Variants in NOL4 observed in about 807,000 individuals in gnomAD.
NOL4 encodes nucleolar protein 4.
NOL4 carries 17 observed loss-of-function variants against 75.9 expected under a neutral mutation model. That is an observed-to-expected ratio of 0.22 (90% CI 0.15 to 0.34). The LOEUF (loss-of-function observed/expected upper bound fraction) is 0.34. Among genes scored for constraint, NOL4 ranks in the 10% least tolerant of loss-of-function variants. The probability of loss-of-function intolerance (pLI) is 1.00; values close to 1 mark genes in which losing one functional copy is unlikely to be tolerated. For missense variants in NOL4, 614 were observed against 793.5 expected, an observed-to-expected ratio of 0.77 and a Z score of 2.72; for synonymous variants, 292 against 289.9, an observed-to-expected ratio of 1.01 and a Z score of -0.07.
At chr18:34,099,249 G>C (rs2078928169) in intron 4 of NOL4, among the ~76,000 whole-genome samples, 1 of 150,836 alleles carries the variant, frequency 6.6e-6, no homozygotes, top group South Asian at 2.1e-4. Flanking sequence ...TGTAATCCTA[G>C]CTACTCGGGA....
intron 1 of NOL4, among the ~76,000 whole-genome samples, chr18:34,163,896 T>C (rs1346269713): frequency 1.2e-4 from 18 of 152,182 alleles, no homozygotes; most frequent in Non-Finnish European, 2.2e-4. Context: ...AACAGAGATA[T>C]AGATCAATGG....
At chr18:33,904,575 C>T (rs543445648) in intron 9 of NOL4, among the ~76,000 whole-genome samples, 30 of 152,236 alleles carry the variant, frequency 2.0e-4, no homozygotes, top group African/African-American at 7.2e-4. Context: ...AAATCATAAA[C>T]AGGACATAAG....
intron 10 of NOL4, among the ~76,000 whole-genome samples, chr18:33,853,975 T>A (rs925035694): frequency 2.0e-5 from 3 of 152,174 alleles, no homozygotes; most frequent in Admixed American, 6.6e-5. Flanking sequence ...TGTTCACTTT[T>A]ATACTTCTTA....
chr18:34,119,346 A>C (rs973134115), intron 2 of NOL4, among the ~76,000 whole-genome samples: 5 of 152,178 alleles, frequency 3.3e-5, no homozygotes, highest in African/African-American at 1.2e-4. Flanking sequence ...AGATTTGCAC[A>C]ATCACCCCCA....
intron 5 of NOL4, among the ~76,000 whole-genome samples, chr18:34,047,007 G>C (rs938742741): frequency 2.0e-5 from 3 of 152,028 alleles, no homozygotes; most frequent in Admixed American, 2.0e-4. Context: ...ATTTTCTTAA[G>C]AGTACCAGGT....
chr18:34,017,570 G>A (rs1275620889), intron 6 of NOL4, among the ~76,000 whole-genome samples: 2 of 151,982 alleles, frequency 1.3e-5, no homozygotes, highest in African/African-American at 4.8e-5. Flanking sequence ...TCCTTCATAG[G>A]TGCTAAGTAT....
chr18:33,853,217 T>G (rs2062697090), intron 10 of NOL4, among the ~76,000 whole-genome samples, 182 bp from the exon 11 acceptor site: 1 of 152,092 alleles, frequency 6.6e-6, no homozygotes, highest in Non-Finnish European at 1.5e-5. Flanking sequence ...GGTAACCGAG[T>G]GGCTTCTCTT....
chr18:33,888,936 AT>A (rs1204505339), intron 9 of NOL4, among the ~76,000 whole-genome samples: 2 of 152,146 alleles, frequency 1.3e-5, no homozygotes, highest in African/African-American at 4.8e-5. Flanking sequence ...TAAAATCGAC[AT>A]CCTAACATCA....
At chr18:33,888,078 C>T (rs1264608927) in intron 9 of NOL4, among the ~76,000 whole-genome samples, 1 of 152,246 alleles carries the variant, frequency 6.6e-6, no homozygotes, top group East Asian at 1.9e-4. Context: ...CTCTCCAGCA[C>T]CTTTTGTTTC....
At chr18:34,169,380 C>G (rs988278325) in intron 1 of NOL4, among the ~76,000 whole-genome samples, 6 of 150,736 alleles carry the variant, frequency 4.0e-5, no homozygotes, top group Admixed American at 4.0e-4. Context: ...ATACTGTAAA[C>G]CCTAAAGTAA....
intron 1 of NOL4, among the ~76,000 whole-genome samples, chr18:34,149,533 G>A (rs917512045): frequency 4.0e-5 from 6 of 151,602 alleles, no homozygotes; most frequent in Non-Finnish European, 5.9e-5. Flanking sequence ...GAATAGCTAT[G>A]ATAGTGTTTT....
chr18:34,080,861 G>A (rs1366373928), intron 5 of NOL4, among the ~76,000 whole-genome samples: 2 of 152,152 alleles, frequency 1.3e-5, no homozygotes, highest in African/African-American at 4.8e-5. Context: ...TGTGACATAA[G>A]ATACTAATTT....
intron 6 of NOL4, among the ~76,000 whole-genome samples, chr18:33,993,252 T>C (rs551335831): frequency 6.5e-4 from 99 of 152,070 alleles, no homozygotes; most frequent in African/African-American, 2.3e-3. Flanking sequence ...TATCAGCCAG[T>C]AATTAGTGGC....
intron 9 of NOL4, among the ~76,000 whole-genome samples, chr18:33,892,875 T>C (rs759511887): frequency 1.1e-4 from 17 of 152,074 alleles, no homozygotes; most frequent in Middle Eastern, 3.4e-3. Context: ...GTTGCCCCGG[T>C]TGGTCTCGAA....
At chr18:34,172,332 A>G (rs573205924) in intron 1 of NOL4, among the ~76,000 whole-genome samples, 1 of 152,256 alleles carries the variant, frequency 6.6e-6, no homozygotes, top group Admixed American at 6.5e-5. Context: ...ATCAACTTAT[A>G]CTTCCAAGTA....
chr18:34,052,283 G>A (rs1288908741), intron 5 of NOL4, among the ~76,000 whole-genome samples: 1 of 151,906 alleles, frequency 6.6e-6, no homozygotes, highest in African/African-American at 2.4e-5. Flanking sequence ...GTAATACATG[G>A]TTGATCTATA....
intron 8 of NOL4, among the ~76,000 whole-genome samples, chr18:33,956,461 T>C (rs1390128515): frequency 2.0e-5 from 3 of 152,108 alleles, no homozygotes; most frequent in Non-Finnish European, 4.4e-5. Context: ...ACCTAACTAA[T>C]TAGATTCACA....
intron 9 of NOL4, among the ~76,000 whole-genome samples, chr18:33,922,825 A>T (rs889127242): frequency 1.3e-5 from 2 of 152,136 alleles, no homozygotes; most frequent in African/African-American, 4.8e-5. Context: ...TCTTTTAGAA[A>T]ATTTTCCTAA....
At chr18:33,884,947 T>C (rs1014243305) in intron 9 of NOL4, among the ~76,000 whole-genome samples, 6 of 152,108 alleles carry the variant, frequency 3.9e-5, no homozygotes, top group African/African-American at 4.8e-5. Flanking sequence ...AACTGACCCA[T>C]TCAACTCTGA....
Sources: gnomAD v4.1 joint callset for allele counts (sites outside exome capture counted in the v4.1 genomes callset) on GRCh38, gnomAD v4.1.1 for gene constraint, MANE v1.5 for transcripts, NCBI Gene and HGNC (gene_info 2026-07-23, HGNC 2026-07-21) for gene names.